Variants in GLIS3 observed in about 807,000 individuals in gnomAD.
GLIS3 encodes GLIS family zinc finger 3.
Under a neutral mutation model 78.6 loss-of-function variants are expected in GLIS3, and 53 were observed. The observed-to-expected ratio is 0.67, with a 90% CI of 0.54 to 0.85. The LOEUF is 0.85. Ranked by LOEUF, GLIS3 falls within the 40% of genes least tolerant of loss-of-function variation. The pLI is 0.00. For synonymous variants in GLIS3, 684 were observed against 509.9 expected (o/e 1.34, Z -4.60); for missense variants, 1,703 against 1,231.1 (o/e 1.38, Z -5.74).
chr9:4,325,378 T>G (rs1332633300), intron 2 of GLIS3, among the ~76,000 whole-genome samples: 2 of 152,142 alleles, frequency 1.3e-5, no homozygotes, highest in African/African-American at 4.8e-5. Flanking sequence ...GGCATAATGT[T>G]TGGACAAACA....
rs767476045 is a variant in GLIS3 at position 4,286,435 on chromosome 9, C to T, written c.-10G>A. ...ATGATCTTCCATTCATTCTGAAAAA[C>T]CTGTGGCCAAGACGGTCAAATATCC... On this transcript the variant is annotated 5_prime_UTR_variant, in exon 2 of 11. Transcript: ENST00000381971. 3 of 1,613,726 alleles carry T rather than the reference C, an allele frequency of 1.9e-6. No homozygotes were observed. Among genetic ancestry groups the T allele is most frequent in the African/African-American group, 2.7e-5 (2 of 75,058 alleles).
chr9:3,989,360 T>G (rs1213573031), intron 4 of GLIS3, among the ~76,000 whole-genome samples: 1 of 152,304 alleles, frequency 6.6e-6, no homozygotes, highest in East Asian at 1.9e-4. Context: ...AATCATAAAA[T>G]TACCATATGA....
At chr9:4,084,192 A>G (rs1828800558) in intron 4 of GLIS3, among the ~76,000 whole-genome samples, 1 of 151,592 alleles carries the variant, frequency 6.6e-6, no homozygotes, top group South Asian at 2.1e-4. Context: ...GAAGCCCTCA[A>G]ACCAACAGCA....
chr9:4,167,767 A>T (rs1464391682), intron 2 of GLIS3, among the ~76,000 whole-genome samples: 1 of 152,220 alleles, frequency 6.6e-6, no homozygotes, highest in Non-Finnish European at 1.5e-5. Flanking sequence ...ACTTTTCTGC[A>T]AATCCAACAG....
chr9:4,466,520 C>T, the GLIS3 span, among the ~76,000 whole-genome samples: 1 of 152,232 alleles, frequency 6.6e-6, no homozygotes, highest in African/African-American at 2.4e-5. Flanking sequence ...GCCCTCATAA[C>T]ATAGATATAA....
At chr9:4,213,694 C>T (rs79209832) in intron 2 of GLIS3, among the ~76,000 whole-genome samples, 5 of 152,106 alleles carry the variant, frequency 3.3e-5, no homozygotes, top group East Asian at 1.9e-4. Flanking sequence ...CCCTGGCATG[C>T]GAAAAAGCAC....
At chr9:3,845,424 T>G (rs1447513603) in intron 9 of GLIS3, among the ~76,000 whole-genome samples, 1 of 152,196 alleles carries the variant, frequency 6.6e-6, no homozygotes, top group African/African-American at 2.4e-5. Flanking sequence ...AAAAGAATAC[T>G]TGCCAATCTT....
In GLIS3 at chr9:4,025,456, T is replaced by C. The variant is rs146397498; in HGVS notation, c.1711-88267A>G. 1.3e-4 allele frequency among the ~76,000 whole-genome samples: 20 copies of C among 152,118 alleles called. No individual in the cohort carries two copies. In the East Asian group the frequency reaches 2.3e-3, roughly 18 times the overall value. On this transcript the variant is annotated intron_variant, in intron 4 of 10. Coordinates refer to ENST00000381971, the MANE Select transcript of GLIS3 (RefSeq NM_001042413.2). ...AGGCTGGAGTGGGGTGGCGTGATCT[T>C]GGCTCACCGCAACCTCCGACTCCCT...
intron 4 of GLIS3, among the ~76,000 whole-genome samples, chr9:4,006,069 G>A (rs1821519295): frequency 6.6e-6 from 1 of 152,096 alleles, no homozygotes; most frequent in Non-Finnish European, 1.5e-5. Flanking sequence ...GCTATTATGG[G>A]AAGGAAACAC....
intron 2 of GLIS3, among the ~76,000 whole-genome samples, chr9:4,183,308 G>C (rs1232957846): frequency 1.3e-5 from 2 of 152,134 alleles, no homozygotes; most frequent in African/African-American, 4.8e-5. Context: ...TTTTAAGGAT[G>C]CAACATTAAC....
At chr9:4,260,863 C>T (rs10974418) in intron 2 of GLIS3, among the ~76,000 whole-genome samples, 56,373 of 152,070 alleles carry the variant, frequency 0.37, 10,646 homozygotes, top group Admixed American at 0.42. Flanking sequence ...CCATGTATTA[C>T]TGCCTAAGGC....
intron 4 of GLIS3, among the ~76,000 whole-genome samples, chr9:4,051,087 G>C (rs985919365): frequency 6.6e-6 from 1 of 152,150 alleles, no homozygotes; most frequent in Non-Finnish European, 1.5e-5. Flanking sequence ...ATAAGCTCCC[G>C]TGAGGCCTAA....
chr9:3,960,497 A>G (rs1012715705), intron 4 of GLIS3, among the ~76,000 whole-genome samples: 2 of 152,156 alleles, frequency 1.3e-5, no homozygotes, highest in African/African-American at 4.8e-5. Flanking sequence ...ATACCTATCC[A>G]TTAGAATGCA....
intron 2 of GLIS3, among the ~76,000 whole-genome samples, chr9:4,241,328 C>T (rs1823289375): frequency 6.6e-6 from 1 of 151,978 alleles, no homozygotes; most frequent in African/African-American, 2.4e-5. Flanking sequence ...AAATACAAGG[C>T]AGAGAGGTTG....
intron 9 of GLIS3, among the ~76,000 whole-genome samples, chr9:3,834,417 T>C (rs1280842668): frequency 6.6e-6 from 1 of 152,218 alleles, no homozygotes; most frequent in Non-Finnish European, 1.5e-5. Context: ...TAGCTACATG[T>C]GGTTATTACA....
intron 2 of GLIS3, among the ~76,000 whole-genome samples, chr9:4,212,440 T>C (rs1290917318): frequency 6.6e-6 from 1 of 152,060 alleles, no homozygotes; most frequent in Non-Finnish European, 1.5e-5. Context: ...TAGGACAAAA[T>C]AGGAAACAAG....
the GLIS3 span, among the ~76,000 whole-genome samples, chr9:4,399,072 TAAC>T: frequency 6.6e-6 from 1 of 152,216 alleles, no homozygotes; most frequent in East Asian, 1.9e-4. Flanking sequence ...CATTTTACGA[TAAC>T]AACCACTTCC....
intron 4 of GLIS3, among the ~76,000 whole-genome samples, chr9:4,057,922 C>T (rs539842853): frequency 3.8e-4 from 58 of 152,042 alleles, no homozygotes; most frequent in Non-Finnish European, 8.1e-4. Context: ...AAACAAAAAG[C>T]CCAAACTGTA....
the GLIS3 span, among the ~76,000 whole-genome samples, chr9:4,413,592 A>C: frequency 1.3e-5 from 2 of 152,204 alleles, no homozygotes; most frequent in East Asian, 3.9e-4. Context: ...CAAACTCTTC[A>C]GTGCTCTGAC....
Sources: allele counts gnomAD v4.1 joint callset (sites outside exome capture counted in the v4.1 genomes callset), GRCh38; gene constraint gnomAD v4.1.1; transcripts MANE v1.5; gene names NCBI Gene and HGNC (gene_info 2026-07-23, HGNC 2026-07-21).